The following DDR2 variants were observed in gnomAD, a reference collection of about 807,000 sequenced individuals.
DDR2 encodes discoidin domain-containing receptor 2.
In DDR2, 27 loss-of-function variants were observed where a neutral mutation model predicts 94.9. The observed-to-expected ratio is 0.28, with a 90% confidence interval of 0.21 to 0.39. DDR2 has a LOEUF of 0.39. Among genes scored for constraint, DDR2 ranks in the 10% least tolerant of loss-of-function variants. The pLI, the probability that DDR2 is intolerant of heterozygous loss-of-function variation, is 1.00. For missense variants in DDR2, 783 were observed against 1,076.0 expected, an observed-to-expected ratio of 0.73 and a Z score of 3.81; for synonymous variants, 382 against 377.2, an observed-to-expected ratio of 1.01 and a Z score of -0.15.
At chr1:162,776,849 C>T (rs1254239813) in intron 16 of DDR2, among the ~76,000 whole-genome samples, 1 of 151,962 alleles carries the variant, frequency 6.6e-6, no homozygotes, top group Non-Finnish European at 1.5e-5. Flanking sequence ...CTTGATATTC[C>T]ATACCATAAG....
intron 2 of DDR2, among the ~76,000 whole-genome samples, chr1:162,657,594 T>C (rs1184254621): frequency 1.3e-5 from 2 of 152,184 alleles, no homozygotes; most frequent in Non-Finnish European, 2.9e-5. Context: ...ATTGAACTCC[T>C]GAATTCTGTT....
intron 11 of DDR2, among the ~76,000 whole-genome samples, chr1:162,767,620 C>A (rs920541053): frequency 6.6e-6 from 1 of 152,112 alleles, no homozygotes; most frequent in South Asian, 2.1e-4. Flanking sequence ...TCCATTCAGG[C>A]ATTTTCCTTG....
In DDR2 at chr1:162,784,984, T is replaced by C. The variant is rs1408499744; in HGVS notation, c.*4738T>C. The C allele has an allele frequency of 6.6e-6, 1 of 152,224 alleles. No individual in the cohort carries two copies. The highest frequency in any genetic ancestry group is 1.5e-5 in the Non-Finnish European group (1 of 68,048). 9.4% of individuals were successfully genotyped at this position (152,224 alleles called of 1,614,324 possible). On this transcript the variant is annotated 3_prime_UTR_variant, in exon 18 of 18. Transcript: ENST00000367921. ...CCTTGCTTGGATACAACAGGAAAGA[T>C]ACTATCTGGATAAAGTTCTACAGTT... is the stretch of plus-strand genomic sequence containing the variant.
intron 1 of DDR2, among the ~76,000 whole-genome samples, chr1:162,648,345 G>A (rs894639525): frequency 2.6e-5 from 4 of 152,154 alleles, no homozygotes. Flanking sequence ...ATTGCTTATG[G>A]CTGGCTGGTT....
At chr1:162,750,682 T>G (rs1663143030) in intron 3 of DDR2, among the ~76,000 whole-genome samples, 1 of 152,068 alleles carries the variant, frequency 6.6e-6, no homozygotes, top group South Asian at 2.1e-4. Flanking sequence ...GAGCCCGCAT[T>G]GCCAAGACAA....
intron 2 of DDR2, chr1:162,705,031 G>A (rs1007571585): frequency 5.9e-5 from 9 of 152,274 alleles, no homozygotes; most frequent in African/African-American, 1.9e-4. Flanking sequence ...TCTGATTAAT[G>A]TTTGCTGTTC....
chr1:162,672,179 TTGG>T (rs1658883831), intron 2 of DDR2, among the ~76,000 whole-genome samples: 1 of 152,250 alleles, frequency 6.6e-6, no homozygotes, highest in South Asian at 2.1e-4. Context: ...ACTTACCAGC[TTGG>T]TAACTGGAAA....
intron 2 of DDR2, among the ~76,000 whole-genome samples, chr1:162,697,938 T>G (rs1231003376): frequency 6.6e-6 from 1 of 152,068 alleles, no homozygotes; most frequent in Admixed American, 6.6e-5. Context: ...GTTGGTGGAG[T>G]GATAGTAGAA....
intron 2 of DDR2, among the ~76,000 whole-genome samples, chr1:162,673,481 G>A (rs1658967846): frequency 6.6e-6 from 1 of 152,044 alleles, no homozygotes; most frequent in East Asian, 1.9e-4. Context: ...TATTTCTCTT[G>A]TGTCCTATTA....
At chr1:162,666,716 AC>A (rs1658590508) in intron 2 of DDR2, among the ~76,000 whole-genome samples, 1 of 152,042 alleles carries the variant, frequency 6.6e-6, no homozygotes, top group South Asian at 2.1e-4. Flanking sequence ...AAAATTAAAA[AC>A]CTGAAAATTG....
chr1:162,642,816 T>C (rs1017625356), intron 1 of DDR2, among the ~76,000 whole-genome samples: 1 of 152,192 alleles, frequency 6.6e-6, no homozygotes, highest in Non-Finnish European at 1.5e-5. Flanking sequence ...CTGAAATACT[T>C]TTCATTTGTT....
chr1:162,716,082 A>G (rs1433471391), intron 2 of DDR2, among the ~76,000 whole-genome samples: 1 of 151,638 alleles, frequency 6.6e-6, no homozygotes, highest in Non-Finnish European at 1.5e-5. Flanking sequence ...TAATGATTAA[A>G]TGGATAATTT....
At chr1:162,765,514 TC>T (rs1663944472) in intron 9 of DDR2, among the ~76,000 whole-genome samples, 1 of 152,150 alleles carries the variant, frequency 6.6e-6, no homozygotes, top group Middle Eastern at 3.4e-3. Flanking sequence ...CACTCCAATG[TC>T]AGTAAATATC....
intron 4 of DDR2, among the ~76,000 whole-genome samples, chr1:162,753,991 C>A (rs1438791698): frequency 2.0e-5 from 3 of 152,080 alleles, no homozygotes; most frequent in Admixed American, 2.0e-4. Context: ...AGGGAGCAAT[C>A]CAAGGGAGAG....
chr1:162,699,434 T>G (rs1057459706), intron 2 of DDR2, among the ~76,000 whole-genome samples: 14 of 152,228 alleles, frequency 9.2e-5, no homozygotes, highest in African/African-American at 3.4e-4. Flanking sequence ...TGTCTTGTAC[T>G]GTGAACCCAA....
intron 3 of DDR2, among the ~76,000 whole-genome samples, chr1:162,729,897 C>T (rs1455214652): frequency 2.0e-5 from 3 of 151,950 alleles, no homozygotes; most frequent in African/African-American, 7.2e-5. Context: ...GCATGCACCA[C>T]CACGCCTGGC....
chr1:162,763,336 C>CTTTTTTTTTTTTTTTTTTT (rs56323242), intron 9 of DDR2, among the ~76,000 whole-genome samples: 3 of 56,500 alleles, frequency 5.3e-5, no homozygotes, highest in African/African-American at 2.3e-4. Flanking sequence ...CCACGCCCGG[C>CTTTTTTTTTTTTTTTTTTT]TTTTTTTTTT....
Position 162,763,480 on chromosome 1 carries a change from T to A in DDR2, c.1099+2026T>A, listed in dbSNP as rs1663852029. On this transcript the variant is annotated intron_variant, in intron 9 of 17. Coordinates refer to ENST00000367921, the MANE Select transcript of DDR2 (RefSeq NM_006182.4). ...TCCCAAAGTGCTGGGATTACAGATGTGAGCCACTGCACCCAGCCTAGAGTT... is the reference window on the plus strand; with the variant it reads ...TCCCAAAGTGCTGGGATTACAGATGAGAGCCACTGCACCCAGCCTAGAGTT... Among the ~76,000 whole-genome samples, 9 of 151,420 alleles carry A rather than the reference T, an allele frequency of 5.9e-5. No homozygotes were observed. In the South Asian group the frequency reaches 1.9e-3, roughly 32 times the overall value.
chr1:162,744,605 T>TTGC (rs1475571432), intron 3 of DDR2, among the ~76,000 whole-genome samples: 2 of 152,128 alleles, frequency 1.3e-5, no homozygotes, highest in Non-Finnish European at 2.9e-5. Flanking sequence ...CCATGGTGGT[T>TTGC]TGCTGCACCC....
Sources: gnomAD v4.1 joint callset for allele counts (sites outside exome capture counted in the v4.1 genomes callset) on GRCh38, gnomAD v4.1.1 for gene constraint, MANE v1.5 for transcripts, NCBI Gene and HGNC (gene_info 2026-07-23, HGNC 2026-07-21) for gene names.